SLC8A1: variants seen among roughly 807,000 people sequenced by gnomAD.
SLC8A1 encodes the protein solute carrier family 8 member A1, also known as sodium/calcium exchanger 1.
SLC8A1 carries 18 observed loss-of-function variants against 68.3 expected under a neutral mutation model. The ratio of observed to expected loss-of-function variants is 0.26; its 90% confidence interval spans 0.18 to 0.39. The LOEUF (loss-of-function observed/expected upper bound fraction) is 0.39, where lower values mean the gene tolerates loss of function less well. Ranked by LOEUF, SLC8A1 falls within the 10% of genes least tolerant of loss-of-function variation. SLC8A1 has a pLI of 1.00. For synonymous variants in SLC8A1, 475 were observed against 415.5 expected, an observed-to-expected ratio of 1.14 and a Z score of -1.74; for missense variants, 985 against 1,156.7, an observed-to-expected ratio of 0.85 and a Z score of 2.15.
chr2:40,355,198 A>C (rs1672300838), intron 2 of SLC8A1, among the ~76,000 whole-genome samples: 1 of 152,166 alleles, frequency 6.6e-6, no homozygotes, highest in African/African-American at 2.4e-5. Flanking sequence ...CAAGAGTCTG[A>C]TACTGTGATA....
At chr2:40,382,278 A>C (rs1682088763) in intron 2 of SLC8A1, among the ~76,000 whole-genome samples, 1 of 152,114 alleles carries the variant, frequency 6.6e-6, no homozygotes, top group Non-Finnish European at 1.5e-5. Context: ...ACCAATCTCT[A>C]CTTAATGATG....
intron 4 of SLC8A1, among the ~76,000 whole-genome samples, chr2:40,166,860 A>G (rs2046632030): frequency 6.6e-6 from 1 of 152,236 alleles, no homozygotes; most frequent in Non-Finnish European, 1.5e-5. Flanking sequence ...TACACAGAAC[A>G]AGAATGGTTT....
intron 2 of SLC8A1, among the ~76,000 whole-genome samples, chr2:40,276,488 C>T (rs774500265): frequency 6.6e-6 from 1 of 152,194 alleles, no homozygotes; most frequent in Non-Finnish European, 1.5e-5. Flanking sequence ...GCATTATTCT[C>T]TAGCCAACAG....
intron 2 of SLC8A1, among the ~76,000 whole-genome samples, chr2:40,391,214 GTA>G (rs1449666277): frequency 2.1e-5 from 1 of 46,896 alleles, no homozygotes; most frequent in Non-Finnish European, 4.0e-5. Flanking sequence ...ATGTCTGTGT[GTA>G]TGTGTGTGTG....
chr2:40,225,657 C>A (rs139653423), intron 2 of SLC8A1, among the ~76,000 whole-genome samples: 2 of 152,140 alleles, frequency 1.3e-5, no homozygotes, highest in Non-Finnish European at 2.9e-5. Context: ...CTTAAAGCCG[C>A]GCTTGCCTAT....
intron 1 of SLC8A1, among the ~76,000 whole-genome samples, chr2:40,439,410 A>G (rs543731127): frequency 6.6e-6 from 1 of 152,232 alleles, no homozygotes; most frequent in Admixed American, 6.5e-5. Context: ...TGTGCTCTTC[A>G]AATGACAAGT....
At chr2:40,382,477 AAT>A (rs1682168655) in intron 2 of SLC8A1, among the ~76,000 whole-genome samples, 2 of 152,154 alleles carry the variant, frequency 1.3e-5, no homozygotes, top group African/African-American at 4.8e-5. Context: ...AAATCAATAA[AAT>A]ATGAGTGTTT....
chr2:40,313,737 T>C (rs2074058442), intron 2 of SLC8A1, among the ~76,000 whole-genome samples: 1 of 152,082 alleles, frequency 6.6e-6, no homozygotes. Flanking sequence ...CTCTATTCAG[T>C]GTGCATTACT....
rs74981022 is a variant in SLC8A1 at position 40,313,731 on chromosome 2, A to C, written c.1808+114742T>G. 3.0e-3 allele frequency among the ~76,000 whole-genome samples: 456 copies of C among 152,090 alleles called. 2 individuals are homozygous for C. The highest frequency in any genetic ancestry group is 0.01 in the African/African-American group (431 of 41,496). ...GTCAATTTTTAATTGTAGCTACTCTATTCAGTGTGCATTACTATTTCATTG... is the reference window on the plus strand; with the variant it reads ...GTCAATTTTTAATTGTAGCTACTCTCTTCAGTGTGCATTACTATTTCATTG... On this transcript the variant is annotated intron_variant, in intron 2 of 7. Coordinates refer to ENST00000406785, the Ensembl canonical transcript of SLC8A1.
chr2:40,328,671 A>C (rs1361143809), intron 2 of SLC8A1, among the ~76,000 whole-genome samples: 1 of 152,226 alleles, frequency 6.6e-6, no homozygotes, highest in South Asian at 2.1e-4. Context: ...ATAATCTGAA[A>C]GCACCACAGT....
intron 2 of SLC8A1, among the ~76,000 whole-genome samples, chr2:40,352,439 T>C (rs1227279343): frequency 2.0e-5 from 3 of 152,204 alleles, no homozygotes; most frequent in African/African-American, 4.8e-5. Flanking sequence ...GTTCTATTCA[T>C]TGTCCAAAGG....
intron 2 of SLC8A1, among the ~76,000 whole-genome samples, chr2:40,353,369 C>T (rs1219428979): frequency 6.6e-6 from 1 of 152,102 alleles, no homozygotes; most frequent in Non-Finnish European, 1.5e-5. Context: ...CATCGTTCAA[C>T]CTCAAAAACT....
At chr2:40,248,994 A>ATTCATTGAGAACAGGATGACGTGCTGAGT (rs572950735) in intron 2 of SLC8A1, among the ~76,000 whole-genome samples, 36 of 152,330 alleles carry the variant, frequency 2.4e-4, no homozygotes, top group African/African-American at 6.7e-4. Context: ...TTCTAGGGAC[A>ATTCATTGAGAACAGGATGACGTGCTGAGT]TTCATTGAGA....
intron 6 of SLC8A1, among the ~76,000 whole-genome samples, chr2:40,145,218 C>T (rs1282157222): frequency 5.9e-5 from 9 of 152,158 alleles, no homozygotes; most frequent in Admixed American, 2.6e-4. Flanking sequence ...TTTCACTTAG[C>T]ATAATGTCTT....
At chr2:40,491,946 C>T (rs1281500552) in intron 1 of SLC8A1, among the ~76,000 whole-genome samples, 8 of 152,108 alleles carry the variant, frequency 5.3e-5, no homozygotes, top group African/African-American at 9.7e-5. Context: ...TCAATGCCAT[C>T]CCCATCAAGC....
intron 2 of SLC8A1, among the ~76,000 whole-genome samples, chr2:40,341,468 G>T (rs918740690): frequency 6.6e-6 from 1 of 152,148 alleles, no homozygotes; most frequent in African/African-American, 2.4e-5. Context: ...CATCTTTGCA[G>T]GTTACTCTAT....
intron 2 of SLC8A1, chr2:40,220,384 T>C (rs1389842827): frequency 6.6e-6 from 1 of 152,182 alleles, no homozygotes; most frequent in East Asian, 1.9e-4. Flanking sequence ...AGGAGGTCAT[T>C]AGTGAGTCAT....
At chr2:40,136,956 C>T (rs745444077) in intron 7 of SLC8A1, among the ~76,000 whole-genome samples, 1 of 152,158 alleles carries the variant, frequency 6.6e-6, no homozygotes, top group South Asian at 2.1e-4. Flanking sequence ...AAGAAATCTG[C>T]GTCCCGATGG....
chr2:40,413,035 A>G (rs1001008856), intron 2 of SLC8A1, among the ~76,000 whole-genome samples: 26 of 152,172 alleles, frequency 1.7e-4, no homozygotes, highest in Non-Finnish European at 3.2e-4. Flanking sequence ...TATATCACCT[A>G]ATGCTACCCC....
Sources: gnomAD v4.1 joint callset for allele counts (sites outside exome capture counted in the v4.1 genomes callset) on GRCh38, gnomAD v4.1.1 for gene constraint, MANE v1.5 for transcripts, NCBI Gene and HGNC (gene_info 2026-07-23, HGNC 2026-07-21) for gene names.